Variants in GRM5 observed in about 807,000 individuals in gnomAD.
GRM5 encodes metabotropic glutamate receptor 5.
A neutral mutation model predicts 83.1 loss-of-function variants in GRM5; 19 were observed. The observed-to-expected ratio is 0.23, with a 90% CI of 0.16 to 0.34. GRM5 has a LOEUF of 0.34. Ranked by LOEUF, GRM5 falls within the 10% of genes least tolerant of loss-of-function variation. GRM5 has a pLI of 1.00. For missense variants in GRM5, 1,160 were observed against 1,588.3 expected, an observed-to-expected ratio of 0.73 and a Z score of 4.58; for synonymous variants, 675 against 633.6, an observed-to-expected ratio of 1.07 and a Z score of -0.98.
At chr11:89,060,850 C>T (rs1941977361) in intron 1 of GRM5, among the ~76,000 whole-genome samples, 1 of 152,078 alleles carries the variant, frequency 6.6e-6, no homozygotes, top group African/African-American at 2.4e-5. Flanking sequence ...AGTTTCTTTT[C>T]TTGGGTTATA....
At chr11:88,885,386 G>T (rs61902998) in intron 2 of GRM5, among the ~76,000 whole-genome samples, 8,693 of 138,074 alleles carry the variant, frequency 0.063, 343 homozygotes, top group Non-Finnish European at 0.088. Flanking sequence ...AATCCATTGA[G>T]AACTTTGATT....
At chr11:88,592,854 T>TCCC (rs1283223159) in intron 6 of GRM5, among the ~76,000 whole-genome samples, 2 of 152,204 alleles carry the variant, frequency 1.3e-5, no homozygotes, top group African/African-American at 4.8e-5. Flanking sequence ...GCATTGTTGC[T>TCCC]TAGGCTGGGA....
intron 4 of GRM5, among the ~76,000 whole-genome samples, chr11:88,623,164 C>A (rs548919764): frequency 5.9e-5 from 9 of 152,276 alleles, no homozygotes; most frequent in African/African-American, 2.2e-4. Context: ...CAGCTTACTG[C>A]AACCTCTGCC....
intron 2 of GRM5, among the ~76,000 whole-genome samples, chr11:88,921,939 A>T (rs1945700455): frequency 6.6e-6 from 1 of 151,480 alleles, no homozygotes; most frequent in Non-Finnish European, 1.5e-5. Context: ...GTATTTCTAT[A>T]TGCCAACAGT....
chr11:88,668,232 A>ACACACACAC (rs397804419), intron 3 of GRM5, among the ~76,000 whole-genome samples: 1 of 149,348 alleles, frequency 6.7e-6, no homozygotes, highest in Non-Finnish European at 1.5e-5. Flanking sequence ...ACACACACAC[A>ACACACACAC]AAGACAGAAT....
intron 2 of GRM5, among the ~76,000 whole-genome samples, chr11:88,855,091 C>T (rs1166436526): frequency 1.3e-5 from 2 of 151,704 alleles, no homozygotes; most frequent in Non-Finnish European, 2.9e-5. Flanking sequence ...GTAGGGAAAA[C>T]TATCATTAGA....
intron 3 of GRM5, among the ~76,000 whole-genome samples, chr11:88,833,077 A>C (rs1456568337): frequency 1.3e-5 from 2 of 151,050 alleles, no homozygotes; most frequent in African/African-American, 4.9e-5. Flanking sequence ...GCTAAGACCT[A>C]AAAAACACAG....
At chr11:89,056,836 AGT>A in intron 1 of GRM5, among the ~76,000 whole-genome samples, 1 of 152,316 alleles carries the variant, frequency 6.6e-6, no homozygotes, top group African/African-American at 2.4e-5. Flanking sequence ...TGCTTTACTC[AGT>A]GTTATATTTG....
At chr11:88,651,268 T>G (rs2135303434) in intron 4 of GRM5, among the ~76,000 whole-genome samples, 1 of 152,100 alleles carries the variant, frequency 6.6e-6, no homozygotes, top group African/African-American at 2.4e-5. Context: ...AGGAGGCATT[T>G]CAGACCAAAA....
chr11:88,756,529 A>G (rs1942396822), intron 3 of GRM5, among the ~76,000 whole-genome samples: 1 of 152,178 alleles, frequency 6.6e-6, no homozygotes. Flanking sequence ...AATATGTCTC[A>G]TATAGTACTA....
chr11:88,614,719 G>A (rs12800845), intron 4 of GRM5, among the ~76,000 whole-genome samples: 32,794 of 152,040 alleles, frequency 0.22, 3,577 homozygotes, highest in Middle Eastern at 0.26. Flanking sequence ...ATGTGCCTAA[G>A]CACTACAAGA....
At chr11:88,535,520 C>A (rs1039185141) in intron 8 of GRM5, among the ~76,000 whole-genome samples, 1 of 152,162 alleles carries the variant, frequency 6.6e-6, no homozygotes, top group Non-Finnish European at 1.5e-5. Flanking sequence ...GTCCTTGAGC[C>A]ATTGTGTCCT....
intron 2 of GRM5, among the ~76,000 whole-genome samples, chr11:89,041,232 C>G (rs528992657): frequency 1.3e-5 from 2 of 152,338 alleles, no homozygotes; most frequent in East Asian, 3.9e-4. Context: ...TTATTTAGAA[C>G]TGTGGAAGTG....
At chr11:88,681,187 T>C (rs192613724) in intron 3 of GRM5, among the ~76,000 whole-genome samples, 3 of 152,184 alleles carry the variant, frequency 2.0e-5, no homozygotes, top group African/African-American at 4.8e-5. Flanking sequence ...TCTCAAAATC[T>C]TTTTTTAAAA....
At chr11:88,836,150 A>T (rs1374574080) in intron 3 of GRM5, among the ~76,000 whole-genome samples, 1 of 152,232 alleles carries the variant, frequency 6.6e-6, no homozygotes, top group East Asian at 1.9e-4. Flanking sequence ...AGATGAAAAA[A>T]CTCTGGATCA....
intron 2 of GRM5, among the ~76,000 whole-genome samples, chr11:88,921,524 G>A (rs898815946): frequency 3.3e-5 from 5 of 152,122 alleles, no homozygotes; most frequent in African/African-American, 1.2e-4. Context: ...CAGCTACTCT[G>A]GAGGCTATGG....
chr11:88,702,019 G>A (rs1941047306), intron 3 of GRM5, among the ~76,000 whole-genome samples: 1 of 151,950 alleles, frequency 6.6e-6, no homozygotes, highest in Non-Finnish European at 1.5e-5. Flanking sequence ...CAAAAAGGAA[G>A]GGATAAAATG....
At chr11:88,622,266 A>G (rs1195024509) in intron 4 of GRM5, among the ~76,000 whole-genome samples, 3 of 152,234 alleles carry the variant, frequency 2.0e-5, no homozygotes, top group Non-Finnish European at 4.4e-5. Context: ...TAAGCTAAGC[A>G]TCATTTTCTG....
At chr11:88,785,693 G>A (rs1203803185) in intron 3 of GRM5, among the ~76,000 whole-genome samples, 1 of 151,998 alleles carries the variant, frequency 6.6e-6, no homozygotes, top group Non-Finnish European at 1.5e-5. Context: ...GCAAATTTTA[G>A]GAAAACTCTG....
Sources: gnomAD v4.1 joint callset for allele counts (sites outside exome capture counted in the v4.1 genomes callset) on GRCh38, gnomAD v4.1.1 for gene constraint, MANE v1.5 for transcripts, NCBI Gene and HGNC (gene_info 2026-07-23, HGNC 2026-07-21) for gene names.